Variants in UBL3 observed in about 807,000 individuals in gnomAD.
UBL3 encodes the protein ubiquitin-like protein 3.
UBL3 carries 6 observed loss-of-function variants against 18.4 expected under a neutral mutation model. The observed-to-expected ratio is 0.33, with a 90% CI of 0.18 to 0.64. The LOEUF (loss-of-function observed/expected upper bound fraction) is 0.64, where lower values mean the gene tolerates loss of function less well. Ranked by LOEUF, UBL3 falls within the 30% of genes least tolerant of loss-of-function variation. UBL3 has a pLI of 0.76. For missense variants in UBL3, 109 were observed against 142.9 expected (o/e 0.76, Z 1.21); for synonymous variants, 49 against 46.6 (o/e 1.05, Z -0.21).
intron 1 of UBL3, among the ~76,000 whole-genome samples, chr13:29,782,386 A>C (rs1877199604): frequency 6.6e-6 from 1 of 152,220 alleles, no homozygotes; most frequent in Admixed American, 6.5e-5. Context: ...AGTTGCCAAT[A>C]AACTGATATT....
chr13:29,823,192 G>T (rs1270895512), intron 1 of UBL3, among the ~76,000 whole-genome samples: 1 of 152,008 alleles, frequency 6.6e-6, no homozygotes, highest in Non-Finnish European at 1.5e-5. Flanking sequence ...GCCCAGGCTG[G>T]AGTGCAATGG....
At chr13:29,842,724 CAAAGT>C (rs1031478480) in intron 1 of UBL3, among the ~76,000 whole-genome samples, 3 of 151,214 alleles carry the variant, frequency 2.0e-5, no homozygotes, top group Admixed American at 6.6e-5. Flanking sequence ...TCTACGAGCT[CAAAGT>C]AAAGTTATGT....
rs1302888763 is a variant in UBL3 at position 29,802,049 on chromosome 13, A to G, written c.28-24786T>C. On this transcript the variant is annotated intron_variant, in intron 1 of 4. Coordinates refer to ENST00000380680, the MANE Select transcript of UBL3 (RefSeq NM_007106.4). ...CACCACTTAAGTGGGAGAGGAGCCC[A>G]CACTTTCAGAGCAGGGAGAGGAAGC... 2.6e-5 allele frequency among the ~76,000 whole-genome samples: 4 copies of G among 152,328 alleles called. No individual in the cohort carries two copies. The East Asian group carries it at 5.8e-4, about 22-fold the overall frequency.
rs1324378664 is a variant in UBL3 at position 29,835,103 on chromosome 13, T to A, written c.27+14409A>T. Among the ~76,000 whole-genome samples, 172 of 25,762 alleles carry A rather than the reference T, an allele frequency of 6.7e-3. 9 individuals are homozygous for A. Among genetic ancestry groups the A allele is most frequent in the Non-Finnish European group, 8.6e-3 (153 of 17,876 alleles). The allele number at this position is 25,762 out of a possible 152,430, so 16.9% of individuals were successfully genotyped here. On this transcript the variant is annotated intron_variant, in intron 1 of 4. Transcript: ENST00000380680. ...ATATAAATATAAATATATATATATATATAAATATATATATATATATAAATA... is the reference window on the plus strand; with the variant it reads ...ATATAAATATAAATATATATATATAAATAAATATATATATATATATAAATA...
chr13:29,842,849 C>T (rs956738389), intron 1 of UBL3, among the ~76,000 whole-genome samples: 2 of 152,152 alleles, frequency 1.3e-5, no homozygotes, highest in African/African-American at 4.8e-5. Flanking sequence ...TTCTAAGCAA[C>T]CAAAACAGAT....
rs548162063 is a variant in UBL3, at chr13:29,840,830, T to C, written c.27+8682A>G. 6.6e-5 allele frequency among the ~76,000 whole-genome samples: 10 copies of C among 152,298 alleles called. No homozygotes were observed. In the South Asian group the frequency reaches 1.9e-3, roughly 28 times the overall value. On this transcript the variant is annotated intron_variant, in intron 1 of 4. Transcript: ENST00000380680. ...AATAGCTTCTAAATGCTCATGAATA[T>C]GGAATTCGCTAAATAATTTATATAC...
rs567003011 is a variant in UBL3, at chr13:29,789,050, C to A, written c.28-11787G>T. ...AAGTGGCTGGGATTACAGGCATGCA[C>A]CACCACACCCAGCTAATTTTGCATT... On this transcript the variant is annotated intron_variant, in intron 1 of 4. Transcript: ENST00000380680. 8.5e-5 allele frequency among the ~76,000 whole-genome samples: 13 copies of A among 152,196 alleles called. No individual in the cohort carries two copies. The East Asian group carries it at 2.5e-3, about 29-fold the overall frequency.
chr13:29,850,092 C>A lies in UBL3; in HGVS notation c.-554G>T, dbSNP rs1000612620. 1 of 152,324 alleles carries A rather than the reference C, an allele frequency of 6.6e-6. No individual in the cohort carries two copies. The allele number at this position is 152,324 out of a possible 1,614,324, so 9.4% of individuals were successfully genotyped here. A position where few individuals can be genotyped will look rare whatever the true frequency, so the allele number is the denominator to read the frequency against. ...CCTGCAGAGCCGCTGTCGGAGCGCC[C>A]GCGCGGACAGCGCGGGGAAACGGCT... On this transcript the variant is annotated 5_prime_UTR_variant, in exon 1 of 5. Coordinates refer to ENST00000380680, the MANE Select transcript of UBL3 (RefSeq NM_007106.4).
At chr13:29,784,566 G>GA (rs199532113) in intron 1 of UBL3, among the ~76,000 whole-genome samples, 2,629 of 128,958 alleles carry the variant, frequency 0.02, 33 homozygotes, top group South Asian at 0.042. Flanking sequence ...CAAATCTTTG[G>GA]AAAAAAAAAA....
intron 1 of UBL3, among the ~76,000 whole-genome samples, chr13:29,805,283 T>G (rs1328477019): frequency 6.6e-6 from 1 of 152,216 alleles, no homozygotes; most frequent in Non-Finnish European, 1.5e-5. Flanking sequence ...CCACAGTAAT[T>G]CTCTCTTGGG....
chr13:29,779,566 C>T (rs954323986), intron 1 of UBL3, among the ~76,000 whole-genome samples: 1 of 152,026 alleles, frequency 6.6e-6, no homozygotes, highest in African/African-American at 2.4e-5. Flanking sequence ...GTAAAGGTGA[C>T]ACCAAAGCCT....
At chr13:29,775,909 G>A (rs1019001117) in intron 2 of UBL3, among the ~76,000 whole-genome samples, 11 of 151,822 alleles carry the variant, frequency 7.2e-5, no homozygotes, top group Admixed American at 5.9e-4. Flanking sequence ...GAGCCACCAC[G>A]CCCAGCTGAC....
At chr13:29,801,842 A>AT (rs1313019793) in intron 1 of UBL3, among the ~76,000 whole-genome samples, 4 of 152,140 alleles carry the variant, frequency 2.6e-5, no homozygotes, top group African/African-American at 9.7e-5. Flanking sequence ...GAACACACTG[A>AT]TTGATAGAGG....
intron 1 of UBL3, among the ~76,000 whole-genome samples, chr13:29,822,761 G>A (rs1368672594): frequency 7.8e-6 from 1 of 128,066 alleles, no homozygotes; most frequent in Non-Finnish European, 1.6e-5. Context: ...AAAGAAGCCT[G>A]TACTATCCTG....
chr13:29,785,722 T>C (rs1398574184), intron 1 of UBL3, among the ~76,000 whole-genome samples: 1 of 152,230 alleles, frequency 6.6e-6, no homozygotes, highest in African/African-American at 2.4e-5. Context: ...TATTCATTTA[T>C]TCAAACATTT....
At chr13:29,845,306 C>T (rs2139371551) in intron 1 of UBL3, among the ~76,000 whole-genome samples, 2 of 151,972 alleles carry the variant, frequency 1.3e-5, no homozygotes, top group African/African-American at 4.8e-5. Flanking sequence ...ACATTCAATT[C>T]TTAATATATT....
chr13:29,803,117 A>G (rs1323023524), intron 1 of UBL3, among the ~76,000 whole-genome samples: 5 of 152,258 alleles, frequency 3.3e-5, no homozygotes, highest in Admixed American at 2.0e-4. Context: ...TTCTATAAGA[A>G]AAGAATTTCC....
At chr13:29,835,122 ATAAATATATATATATATATATATATATAT>A (rs1878905661) in intron 1 of UBL3, among the ~76,000 whole-genome samples, 1 of 36,778 alleles carries the variant, frequency 2.7e-5, no homozygotes, top group East Asian at 6.3e-4. Flanking sequence ...ATATATATAT[ATAAATATATATATATATATATATATATAT>A]ATATATATAT....
chr13:29,841,133 A>G (rs1269379859), intron 1 of UBL3, among the ~76,000 whole-genome samples: 2 of 152,186 alleles, frequency 1.3e-5, no homozygotes, highest in African/African-American at 4.8e-5. Context: ...AAAAATGTTA[A>G]TGTCAAACTT....
Sources: allele counts gnomAD v4.1 joint callset (sites outside exome capture counted in the v4.1 genomes callset), GRCh38; gene constraint gnomAD v4.1.1; transcripts MANE v1.5; gene names NCBI Gene and HGNC (gene_info 2026-07-23, HGNC 2026-07-21).